The following HS6ST3 variants were observed in gnomAD, a reference collection of about 807,000 sequenced individuals.
The protein encoded by HS6ST3 is heparan sulfate 6-O-sulfotransferase 3, also known as heparan-sulfate 6-O-sulfotransferase 3.
In HS6ST3, 12 loss-of-function variants were observed where a neutral mutation model predicts 36.7. The observed-to-expected ratio is 0.33, with a 90% CI of 0.21 to 0.53. HS6ST3 has a LOEUF of 0.53. Among genes scored for constraint, HS6ST3 ranks in the 20% least tolerant of loss-of-function variants. The pLI is 0.95. For missense variants in HS6ST3, 584 were observed against 640.9 expected (o/e 0.91, Z 0.96); for synonymous variants, 240 against 257.5 (o/e 0.93, Z 0.65).
intron 1 of HS6ST3, among the ~76,000 whole-genome samples, chr13:96,728,988 A>G (rs1350535498): frequency 6.6e-6 from 1 of 152,214 alleles, no homozygotes; most frequent in Non-Finnish European, 1.5e-5. Context: ...GTGCCCAACC[A>G]AGCACTGTGA....
chr13:96,356,096 CATATG>C (rs1014203372), intron 1 of HS6ST3, among the ~76,000 whole-genome samples: 1 of 152,136 alleles, frequency 6.6e-6, no homozygotes, highest in Non-Finnish European at 1.5e-5. Context: ...GAACTCATTT[CATATG>C]ATATGATATG....
chr13:96,165,560 G>T (rs1415845042), intron 1 of HS6ST3, among the ~76,000 whole-genome samples: 1 of 152,202 alleles, frequency 6.6e-6, no homozygotes, highest in African/African-American at 2.4e-5. Flanking sequence ...CTGCAGAGAT[G>T]TAGTAGCTCT....
intron 1 of HS6ST3, among the ~76,000 whole-genome samples, chr13:96,759,275 A>C (rs1353612825): frequency 6.6e-6 from 1 of 151,850 alleles, no homozygotes; most frequent in Non-Finnish European, 1.5e-5. Flanking sequence ...TGTAGTGTTT[A>C]GTCCATTTAT....
At chr13:96,650,438 C>A (rs987305247) in intron 1 of HS6ST3, among the ~76,000 whole-genome samples, 3 of 151,940 alleles carry the variant, frequency 2.0e-5, no homozygotes, top group Admixed American at 1.3e-4. Flanking sequence ...CTTCTACATT[C>A]TTTCTTGGTG....
At chr13:96,584,855 T>C (rs2056354918) in intron 1 of HS6ST3, among the ~76,000 whole-genome samples, 1 of 152,148 alleles carries the variant, frequency 6.6e-6, no homozygotes, top group South Asian at 2.1e-4. Flanking sequence ...ACATTGTCCC[T>C]GAGAGAAACA....
At chr13:96,420,051 G>A (rs1017193143) in intron 1 of HS6ST3, among the ~76,000 whole-genome samples, 8 of 152,126 alleles carry the variant, frequency 5.3e-5, no homozygotes, top group South Asian at 2.1e-4. Flanking sequence ...TAAGTTTGGG[G>A]TACAACCTCA....
intron 1 of HS6ST3, among the ~76,000 whole-genome samples, chr13:96,255,754 A>T (rs1732606389): frequency 6.6e-6 from 1 of 152,154 alleles, no homozygotes; most frequent in South Asian, 2.1e-4. Context: ...TATCCATATG[A>T]ACAGCTCTAG....
intron 1 of HS6ST3, among the ~76,000 whole-genome samples, chr13:96,222,342 G>C (rs1186122203): frequency 6.6e-6 from 1 of 152,186 alleles, no homozygotes; most frequent in Non-Finnish European, 1.5e-5. Context: ...TGTATTGAAA[G>C]GTGATTGCAA....
chr13:96,596,880 T>G (rs2056403607), intron 1 of HS6ST3, among the ~76,000 whole-genome samples: 1 of 152,112 alleles, frequency 6.6e-6, no homozygotes, highest in African/African-American at 2.4e-5. Flanking sequence ...GACACACACT[T>G]GCATACGTTC....
At chr13:96,606,530 C>T (rs1279928947) in intron 1 of HS6ST3, among the ~76,000 whole-genome samples, 5 of 149,146 alleles carry the variant, frequency 3.4e-5, no homozygotes, top group Non-Finnish European at 5.9e-5. Context: ...ATTAAATACA[C>T]ATGGACATAG....
At chr13:96,094,574 TG>T (rs1186763182) in intron 1 of HS6ST3, among the ~76,000 whole-genome samples, 4 of 152,166 alleles carry the variant, frequency 2.6e-5, no homozygotes, top group Non-Finnish European at 4.4e-5. Context: ...ACAATATAAT[TG>T]GATATACATT....
At chr13:96,372,000 C>T (rs1042779320) in intron 1 of HS6ST3, among the ~76,000 whole-genome samples, 4 of 152,016 alleles carry the variant, frequency 2.6e-5, no homozygotes, top group Admixed American at 6.6e-5. Flanking sequence ...GATATGTATC[C>T]GGGGTGGGAT....
intron 1 of HS6ST3, among the ~76,000 whole-genome samples, chr13:96,536,038 T>C (rs932497822): frequency 2.6e-5 from 4 of 152,208 alleles, no homozygotes; most frequent in African/African-American, 9.6e-5. Flanking sequence ...TAAAAACTTA[T>C]AGTCAATAAT....
chr13:96,601,438 C>G (rs1290373253), intron 1 of HS6ST3, among the ~76,000 whole-genome samples: 1 of 151,822 alleles, frequency 6.6e-6, no homozygotes, highest in East Asian at 1.9e-4. Flanking sequence ...TTTGTAATTC[C>G]CTAACTGTGT....
chr13:96,608,438 C>T (rs1298892917), intron 1 of HS6ST3, among the ~76,000 whole-genome samples: 1 of 152,168 alleles, frequency 6.6e-6, no homozygotes, highest in Non-Finnish European at 1.5e-5. Flanking sequence ...CCAAATGCCA[C>T]TAATAGTCAT....
intron 1 of HS6ST3, among the ~76,000 whole-genome samples, chr13:96,736,327 A>C (rs192288392): frequency 6.6e-6 from 1 of 152,314 alleles, no homozygotes; most frequent in East Asian, 1.9e-4. Context: ...AATATTAATA[A>C]AGTATTGGCA....
At chr13:96,118,681 TATATATA>T (rs1302084357) in intron 1 of HS6ST3, among the ~76,000 whole-genome samples, 2 of 22,160 alleles carry the variant, frequency 9.0e-5, no homozygotes, top group Non-Finnish European at 7.2e-5. Flanking sequence ...TATATATATA[TATATATA>T]TTTTTTTTTT....
intron 1 of HS6ST3, among the ~76,000 whole-genome samples, chr13:96,750,562 T>C (rs139912118): frequency 1.2e-4 from 19 of 152,354 alleles, no homozygotes; most frequent in African/African-American, 4.6e-4. Flanking sequence ...GCTTTGTATA[T>C]GTGTATTTAT....
At chr13:96,498,606 T>G (rs908278521) in intron 1 of HS6ST3, among the ~76,000 whole-genome samples, 1 of 152,174 alleles carries the variant, frequency 6.6e-6, no homozygotes, top group African/African-American at 2.4e-5. Context: ...TTCTTATGAG[T>G]TCATTGTTAA....
Sources: gnomAD v4.1 joint callset for allele counts (sites outside exome capture counted in the v4.1 genomes callset) on GRCh38, gnomAD v4.1.1 for gene constraint, MANE v1.5 for transcripts, NCBI Gene and HGNC (gene_info 2026-07-23, HGNC 2026-07-21) for gene names.